The following ADAMTS14 variants were observed in gnomAD, a reference collection of about 807,000 sequenced individuals.
ADAMTS14 encodes ADAM metallopeptidase with thrombospondin type 1 motif 14, also known as A disintegrin and metalloproteinase with thrombospondin motifs 14.
A neutral mutation model predicts 128.6 loss-of-function variants in ADAMTS14; 100 were observed. The ratio of observed to expected loss-of-function variants is 0.78; its 90% CI spans 0.66 to 0.92. ADAMTS14 has a LOEUF of 0.92. Ranked by LOEUF, ADAMTS14 falls within the 40% of genes least tolerant of loss-of-function variation. The pLI, the probability that ADAMTS14 is intolerant of heterozygous loss-of-function variation, is 0.00. For synonymous variants in ADAMTS14, 665 were observed against 653.8 expected (o/e 1.02, Z -0.26); for missense variants, 1,562 against 1,658.6 (o/e 0.94, Z 1.01).
At chr10:70,691,517 A>G (rs191062126) in intron 2 of ADAMTS14, among the ~76,000 whole-genome samples, 1 of 109,130 alleles carries the variant, frequency 9.2e-6, no homozygotes, top group African/African-American at 2.7e-5. Context: ...AAACAAAGAA[A>G]AAAACAAAAC....
chr10:70,757,295 C>T (rs968368025), intron 19 of ADAMTS14, among the ~76,000 whole-genome samples: 1 of 152,152 alleles, frequency 6.6e-6, no homozygotes, highest in African/African-American at 2.4e-5. Context: ...CTTGTACCCG[C>T]ACCCTGCTCC....
At chr10:70,709,487 C>G (rs1427016328) in intron 4 of ADAMTS14, among the ~76,000 whole-genome samples, 1 of 130,880 alleles carries the variant, frequency 7.6e-6, no homozygotes, top group African/African-American at 2.9e-5. Flanking sequence ...TTTAAGTGAA[C>G]ATTTCCAGTT....
At chr10:70,687,466 C>T (rs1277466282) in intron 2 of ADAMTS14, among the ~76,000 whole-genome samples, 5 of 21,996 alleles carry the variant, frequency 2.3e-4, no homozygotes, top group African/African-American at 7.0e-4. Flanking sequence ...GGAGGGCTGA[C>T]CCCCCCACCT....
rs41307559 is a variant in ADAMTS14 at position 70,744,054 on chromosome 10, C to T, written c.2059-12C>T. The T allele has an allele frequency of 1.3e-6, 2 of 1,557,484 alleles. No individual in the cohort carries two copies. The highest frequency in any genetic ancestry group is 4.8e-5 in the East Asian group (2 of 41,344). ...GGGAGCCTCCTCCCACTGACCTCAC[C>T]TCTGGCCTCAGCCTGTCGGCTGTGA... is the stretch of plus-strand genomic sequence containing the variant. On this transcript the variant is annotated splice_polypyrimidine_tract_variant and intron_variant, in intron 13 of 21. Transcript: ENST00000373207.
intron 15 of ADAMTS14, 92 bp from the exon 16 acceptor site, chr10:70,749,730 G>T (rs2132733806): frequency 1.4e-6 from 2 of 1,456,856 alleles, no homozygotes; most frequent in Non-Finnish European, 9.3e-7. Flanking sequence ...AGCCCAGAAG[G>T]CTCACTGGGA....
At chr10:70,746,495 A>AG (rs1842182236) in intron 15 of ADAMTS14, among the ~76,000 whole-genome samples, 1 of 152,168 alleles carries the variant, frequency 6.6e-6, no homozygotes, top group African/African-American at 2.4e-5. Context: ...GGAATTAGAC[A>AG]GTGGCAATGG....
intron 2 of ADAMTS14, among the ~76,000 whole-genome samples, chr10:70,684,629 T>G (rs1257425612): frequency 1.3e-5 from 2 of 152,294 alleles, no homozygotes; most frequent in Non-Finnish European, 2.9e-5. Context: ...TTAGAAATTA[T>G]GCACTTAAAG....
intron 4 of ADAMTS14, among the ~76,000 whole-genome samples, chr10:70,720,718 C>T (rs1030317819): frequency 4.6e-5 from 7 of 152,248 alleles, no homozygotes; most frequent in African/African-American, 1.7e-4. Context: ...CACATGCGTG[C>T]ACACATATAA....
chr10:70,719,515 C>T (rs1382021680), intron 4 of ADAMTS14, among the ~76,000 whole-genome samples: 1 of 152,070 alleles, frequency 6.6e-6, no homozygotes, highest in Non-Finnish European at 1.5e-5. Context: ...GATCCTCCTG[C>T]CTCAGCCTCC....
At chr10:70,734,529 C>T (rs1360479939) in intron 8 of ADAMTS14, among the ~76,000 whole-genome samples, 1 of 152,196 alleles carries the variant, frequency 6.6e-6, no homozygotes, top group African/African-American at 2.4e-5. Context: ...AGGAAATGGG[C>T]ATGCTGAGGA....
chr10:70,672,727 G>C lies in ADAMTS14; in HGVS notation c.-76G>C. ...AGCCGGTGCTCCGACAGCCCGGGGC[G>C]CACCCTAGCCTCGCCGCCCTCAGCC... On this transcript the variant is annotated 5_prime_UTR_variant, in exon 1 of 22. Transcript: ENST00000373207. The C allele has an allele frequency of 1.4e-6, 2 of 1,393,336 alleles. No individual in the cohort carries two copies. The highest frequency in any genetic ancestry group is 3.2e-5 in the South Asian group (2 of 62,224). 86.3% of individuals were successfully genotyped at this position (1,393,336 alleles called of 1,614,324 possible).
intron 2 of ADAMTS14, among the ~76,000 whole-genome samples, chr10:70,680,034 T>C (rs528283865): frequency 6.6e-6 from 1 of 152,330 alleles, no homozygotes; most frequent in Non-Finnish European, 1.5e-5. Context: ...GGTTACACAA[T>C]TCTGAGAATA....
chr10:70,676,619 G>A (rs1359442056), intron 2 of ADAMTS14, among the ~76,000 whole-genome samples: 1 of 152,206 alleles, frequency 6.6e-6, no homozygotes, highest in Non-Finnish European at 1.5e-5. Context: ...AGCGGACTTC[G>A]AGAAAGCAGA....
chr10:70,752,130 C>G lies in ADAMTS14; in HGVS notation c.2632C>G (p.Arg878Gly), dbSNP rs1391249343. The stretch of plus-strand genomic sequence containing the variant: ...CACCAAATACGGCTGCCGGCGCAGA[C>G]GAGACCACCACATGGTGCAGCGACA... ...QFTKYGCRRR[R>G]DHHMVQRHLC... is the part of the protein sequence containing the mutation. Residue 878 changes from arginine to glycine, a missense_variant, in exon 18 of 22, where the codon CGA becomes GGA. Arg to Gly is a moderately radical substitution (Grantham distance 125, BLOSUM62 -2). Transcript: ENST00000373207. The G allele has an allele frequency of 5.6e-6, 9 of 1,613,114 alleles. No homozygotes were observed. Among genetic ancestry groups the G allele is most frequent in the Non-Finnish European group, 7.6e-6 (9 of 1,179,928 alleles).
chr10:70,728,112 AT>A (rs1841503941), intron 4 of ADAMTS14, among the ~76,000 whole-genome samples: 2 of 151,626 alleles, frequency 1.3e-5, no homozygotes, highest in African/African-American at 4.9e-5. Flanking sequence ...AAAAAAAAAA[AT>A]CTTGGCCTCA....
intron 2 of ADAMTS14, among the ~76,000 whole-genome samples, chr10:70,677,812 C>T (rs1305991331): frequency 1.3e-5 from 2 of 152,190 alleles, no homozygotes; most frequent in Non-Finnish European, 2.9e-5. Context: ...CCCTGTGTCC[C>T]GTGACAGCAA....
Position 70,760,449 on chromosome 10 carries a change from T to C in ADAMTS14, c.3268T>C (p.Cys1090Arg), listed in dbSNP as rs1464854126. Residue 1090 changes from cysteine to arginine, a missense_variant, in exon 22 of 22, where the codon TGT becomes CGT. By Grantham distance (180) the Cys-to-Arg change is radical. Transcript: ENST00000373207. ...CATTCCCGGCTACCACCGGCTCTGC[T>C]GTGTGTCCTGCATCAAGAAGGCCTC... ...CSIPGYHRLCCVSCIKKASGP... is the reference protein window; with the variant it reads ...CSIPGYHRLCRVSCIKKASGP... 3 of 1,613,712 alleles carry C rather than the reference T, an allele frequency of 1.9e-6. No individual in the cohort carries two copies. The African/African-American group carries it at 4.0e-5, about 22-fold the overall frequency.
At chr10:70,686,274 CTTTTT>C (rs5785998) in intron 2 of ADAMTS14, among the ~76,000 whole-genome samples, 2 of 125,336 alleles carry the variant, frequency 1.6e-5, no homozygotes, top group Admixed American at 8.0e-5. Flanking sequence ...TCAGCCTTTG[CTTTTT>C]TTTTTTTTTT....
Position 70,690,000 on chromosome 10 carries a change from A to G in ADAMTS14, c.523-12312A>G, listed in dbSNP as rs192300212. ...GTATGTCACATATTTCTAGTTATTT[A>G]TCGCCTGTCACCACCCTGCTGTAGA... On this transcript the variant is annotated intron_variant, in intron 2 of 21. Coordinates refer to ENST00000373207, the MANE Select transcript of ADAMTS14 (RefSeq NM_080722.4). Among the ~76,000 whole-genome samples, 4 of 144,832 alleles carry G rather than the reference A, an allele frequency of 2.8e-5. No homozygotes were observed. The East Asian group carries it at 7.8e-4, about 28-fold the overall frequency.
Sources: allele counts gnomAD v4.1 joint callset (sites outside exome capture counted in the v4.1 genomes callset), GRCh38; gene constraint gnomAD v4.1.1; transcripts MANE v1.5; gene names NCBI Gene and HGNC (gene_info 2026-07-23, HGNC 2026-07-21).